The following CSMD1 variants were observed in gnomAD, a reference collection of about 807,000 sequenced individuals.
CSMD1 encodes CUB and Sushi multiple domains 1, also known as CUB and sushi domain-containing protein 1.
A neutral mutation model predicts 417.5 loss-of-function variants in CSMD1; 213 were observed. The observed-to-expected ratio is 0.51, with a 90% CI of 0.46 to 0.57. The LOEUF (loss-of-function observed/expected upper bound fraction) is 0.57, where lower values mean the gene tolerates loss of function less well. Among genes scored for constraint, CSMD1 ranks in the 20% least tolerant of loss-of-function variants. CSMD1 has a pLI of 0.00. For missense variants in CSMD1, 6,923 were observed against 4,529.7 expected (o/e 1.53, Z -15.17); for synonymous variants, 2,862 against 1,736.8 (o/e 1.65, Z -16.11).
chr8:3,340,810 C>T (rs967987129), intron 23 of CSMD1, among the ~76,000 whole-genome samples: 6 of 152,106 alleles, frequency 3.9e-5, no homozygotes, highest in African/African-American at 9.7e-5. Flanking sequence ...ACAGTATGTT[C>T]CAGCTCTAAG....
chr8:3,380,688 A>G (rs1293922633), intron 18 of CSMD1, among the ~76,000 whole-genome samples: 1 of 152,170 alleles, frequency 6.6e-6, no homozygotes, highest in Non-Finnish European at 1.5e-5. Flanking sequence ...GAGCTGAACA[A>G]TGAGAACACA....
intron 26 of CSMD1, among the ~76,000 whole-genome samples, chr8:3,268,942 A>T (rs1234952928): frequency 6.6e-6 from 1 of 152,206 alleles, no homozygotes; most frequent in Non-Finnish European, 1.5e-5. Flanking sequence ...TATAGAAAGA[A>T]GCTGATATTC....
At chr8:3,862,793 C>G (rs953323899) in intron 5 of CSMD1, among the ~76,000 whole-genome samples, 10 of 152,154 alleles carry the variant, frequency 6.6e-5, no homozygotes, top group Admixed American at 6.5e-4. Context: ...AGTTAACTGC[C>G]TATCACAACA....
intron 1 of CSMD1, among the ~76,000 whole-genome samples, chr8:4,725,593 G>A (rs1038552596): frequency 2.4e-4 from 36 of 152,196 alleles, no homozygotes; most frequent in African/African-American, 8.7e-4. Flanking sequence ...AACATGGGGC[G>A]CGTCTCAAAT....
intron 2 of CSMD1, among the ~76,000 whole-genome samples, chr8:4,585,506 T>C (rs1799655106): frequency 6.6e-6 from 1 of 152,108 alleles, no homozygotes; most frequent in East Asian, 1.9e-4. Flanking sequence ...GAAAGAAGTA[T>C]TTGAAGAGAT....
Position 4,905,817 on chromosome 8 carries a change from C to G in CSMD1, c.85+88515G>C, listed in dbSNP as rs865797170. On this transcript the variant is annotated intron_variant, in intron 1 of 69. Coordinates refer to ENST00000635120, the MANE Select transcript of CSMD1 (RefSeq NM_033225.6). ...CCTGGGCCACAGAGCGAGACTCCAT[C>G]TCAAAAAAAAAAAAAAAGAAAAAAA... Among the ~76,000 whole-genome samples, 4 of 90,970 alleles carry G rather than the reference C, an allele frequency of 4.4e-5. No individual in the cohort carries two copies. In the East Asian group the frequency reaches 3.9e-3, roughly 88 times the overall value. 59.7% of individuals were successfully genotyped at this position (90,970 alleles called of 152,430 possible).
intron 1 of CSMD1, among the ~76,000 whole-genome samples, chr8:4,919,051 T>A (rs1468096742): frequency 1.3e-5 from 2 of 152,220 alleles, no homozygotes; most frequent in Non-Finnish European, 2.9e-5. Flanking sequence ...AACAGAGCCA[T>A]GGTTTTCAGT....
intron 3 of CSMD1, among the ~76,000 whole-genome samples, chr8:4,038,080 TAACTC>T (rs1293283982): frequency 1.3e-5 from 2 of 152,060 alleles, no homozygotes; most frequent in Non-Finnish European, 2.9e-5. Flanking sequence ...GGAAGTAAAA[TAACTC>T]AGCAAATGGG....
rs113563804 is a variant in CSMD1, at chr8:4,816,746, T to G, written c.85+177586A>C. ...AAAAATCAATCAACTAGGAGGCTGT[T>G]GCAGGACTCATCTAGGACTGAGGAT... On this transcript the variant is annotated intron_variant, in intron 1 of 69. Transcript: ENST00000635120. Among the ~76,000 whole-genome samples, 578 of 152,206 alleles carry G rather than the reference T, an allele frequency of 3.8e-3. 8 individuals carry two copies. The highest frequency in any genetic ancestry group is 0.013 in the African/African-American group (543 of 41,530).
At chr8:4,733,711 T>C (rs966129109) in intron 1 of CSMD1, among the ~76,000 whole-genome samples, 2 of 152,212 alleles carry the variant, frequency 1.3e-5, no homozygotes, top group South Asian at 4.1e-4. Flanking sequence ...ATCTATGACT[T>C]AACAAAGAAG....
intron 3 of CSMD1, among the ~76,000 whole-genome samples, chr8:4,091,049 TC>T (rs1367965037): frequency 6.6e-6 from 1 of 151,782 alleles, no homozygotes; most frequent in Non-Finnish European, 1.5e-5. Context: ...CTCACAAGTA[TC>T]TGGGTCTACA....
chr8:3,120,161 G>T (rs1482263043), intron 41 of CSMD1, among the ~76,000 whole-genome samples: 1 of 152,130 alleles, frequency 6.6e-6, no homozygotes, highest in Non-Finnish European at 1.5e-5. Context: ...CTGAGAAAAA[G>T]AGAGGTGGGC....
chr8:4,958,661 T>C (rs1352336755), intron 1 of CSMD1, among the ~76,000 whole-genome samples: 1 of 152,200 alleles, frequency 6.6e-6, no homozygotes, highest in Non-Finnish European at 1.5e-5. Flanking sequence ...TTTCTGGTTT[T>C]GTGAGTTACC....
intron 1 of CSMD1, among the ~76,000 whole-genome samples, chr8:4,936,241 T>C (rs1331279645): frequency 6.6e-6 from 1 of 152,216 alleles, no homozygotes; most frequent in Non-Finnish European, 1.5e-5. Flanking sequence ...TGCCCACAGA[T>C]ATTATATCAT....
chr8:3,847,150 G>A (rs967601456), intron 5 of CSMD1, among the ~76,000 whole-genome samples: 5 of 152,068 alleles, frequency 3.3e-5, no homozygotes, highest in African/African-American at 1.2e-4. Flanking sequence ...ACCTGTGACT[G>A]GCTTTTAACC....
chr8:4,834,581 CA>C (rs1268156792), intron 1 of CSMD1, among the ~76,000 whole-genome samples: 1 of 150,566 alleles, frequency 6.6e-6, no homozygotes, highest in East Asian at 2.0e-4. Flanking sequence ...AATACGAGTT[CA>C]AAAAGAATGA....
chr8:4,847,373 A>C (rs970837837), intron 1 of CSMD1, among the ~76,000 whole-genome samples: 4 of 152,220 alleles, frequency 2.6e-5, no homozygotes, highest in Non-Finnish European at 4.4e-5. Context: ...ATTTTCAGAT[A>C]CCAAATAAAA....
intron 2 of CSMD1, among the ~76,000 whole-genome samples, chr8:4,545,948 A>G (rs1797611365): frequency 6.6e-6 from 1 of 152,142 alleles, no homozygotes; most frequent in African/African-American, 2.4e-5. Flanking sequence ...TCTCAGAAAG[A>G]AACTTTCTCC....
chr8:3,708,594 C>A lies in CSMD1; in HGVS notation c.932-103G>T, dbSNP rs531350901. On this transcript the variant is annotated intron_variant, in intron 6 of 69. Transcript: ENST00000635120. ...CAGTCATAACTGCTTTCTATCAACC[C>A]CCGAAAATGGGAAATGTTCTAAGAG... 3.0e-5 allele frequency: 26 copies of A among 876,038 alleles called. No homozygotes were observed. The African/African-American group carries it at 3.6e-4, about 12-fold the overall frequency. The allele number at this position is 876,038 out of a possible 1,614,324, so 54.3% of individuals were successfully genotyped here. A position where few individuals can be genotyped will look rare whatever the true frequency, so the allele number is the denominator to read the frequency against.
Sources: gnomAD v4.1 joint callset for allele counts (sites outside exome capture counted in the v4.1 genomes callset) on GRCh38, gnomAD v4.1.1 for gene constraint, MANE v1.5 for transcripts, NCBI Gene and HGNC (gene_info 2026-07-23, HGNC 2026-07-21) for gene names.